The following REXO2 variants were observed in gnomAD, a reference collection of about 807,000 sequenced individuals.
The protein encoded by REXO2 is oligoribonuclease, mitochondrial.
Under a neutral mutation model 30.9 loss-of-function variants are expected in REXO2, and 17 were observed. That is an observed-to-expected ratio of 0.55 (90% CI 0.38 to 0.82). REXO2 has a LOEUF of 0.82. REXO2 is among the 40% of genes least tolerant of loss of function. REXO2 has a pLI of 0.00. For missense variants in REXO2, 253 were observed against 293.2 expected (o/e 0.86, Z 1.00); for synonymous variants, 105 against 99.6 (o/e 1.05, Z -0.32).
rs909110602 is a variant in REXO2, at chr11:114,441,892, T to C, written c.231+1153T>C. 10 of 614,124 alleles carry C rather than the reference T, an allele frequency of 1.6e-5. No individual in the cohort carries two copies. The African/African-American group carries it at 1.8e-4, about 11-fold the overall frequency. 38.0% of individuals were successfully genotyped at this position (614,124 alleles called of 1,614,324 possible). On this transcript the variant is annotated intron_variant, in intron 2 of 6. Coordinates refer to ENST00000265881, the MANE Select transcript of REXO2 (RefSeq NM_015523.4). ...TTTTAACTTTGTATAAATAAAGCCC[T>C]GAGTTTTAGATTTGGTTGTTTTTTT...
chr11:114,440,803 T>C, intron 2 of REXO2, 64 bp downstream of exon 2: 2 of 1,244,490 alleles, frequency 1.6e-6, no homozygotes, highest in Non-Finnish European at 2.3e-6. Context: ...ACCATCATTT[T>C]TTCCAGCTTC....
In REXO2 at chr11:114,447,883, A is replaced by G. The variant is rs1269868699; in HGVS notation, c.584+4A>G. 1.2e-6 allele frequency: 2 copies of G among 1,613,204 alleles called. No homozygotes were observed. Among genetic ancestry groups the G allele is most frequent in the South Asian group, 2.2e-5 (2 of 90,996 alleles). On this transcript the variant is annotated splice_donor_region_variant and intron_variant, in intron 6 of 6. Transcript: ENST00000265881. ...CAAAGAAGGCTGCTTCTCATAGGTA[A>G]GTTTGAGTTCTACCAAGCGTTTTCC...
chr11:114,444,626 C>G lies in REXO2; in HGVS notation c.395C>G (p.Thr132Ser), dbSNP rs1307402436. 2 of 1,605,924 alleles carry G rather than the reference C, an allele frequency of 1.2e-6. No homozygotes were observed. The highest frequency in any genetic ancestry group is 1.7e-6 in the Non-Finnish European group (2 of 1,176,920). Reference protein sequence around the residue: ...YEFLSFVRQQTPPGLCPLAGN... With the variant: ...YEFLSFVRQQSPPGLCPLAGN... ...TTTCTGTCCTTTGTACGACAGCAGA[C>G]TCCTCCAGGGCTCTGTCCACTTGCA... is the stretch of plus-strand genomic sequence containing the variant. The change falls in exon 4 of 7, where the codon ACT becomes AGT. Residue 132 changes from threonine (T) to serine (S), a missense_variant. Thr to Ser is a moderately conservative substitution (Grantham distance 58). Coordinates refer to ENST00000265881, the MANE Select transcript of REXO2 (RefSeq NM_015523.4).
At chr11:114,449,744 A>T (rs1946533595) in intron 6 of REXO2, 102 bp from the exon 7 acceptor site, 2 of 1,125,770 alleles carry the variant, frequency 1.8e-6, no homozygotes, top group South Asian at 1.5e-5. Context: ...ACTTACAGTA[A>T]CATCCATTGT....
chr11:114,444,371 AG>A, intron 3 of REXO2, 169 bp from the exon 4 acceptor site: 1 of 649,376 alleles, frequency 1.5e-6, no homozygotes. Context: ...GGATTCTTGA[AG>A]AAAAAAAAAT....
chr11:114,440,692 G>C lies in REXO2; in HGVS notation c.184G>C (p.Glu62Gln). ...GGACATTGAGAAGGACCAGATTATT[G>C]AGATGGCCTGTCTGATAACTGACTC... ...GLDIEKDQII[E>Q]MACLITDSDL... is the part of the protein sequence containing the mutation. The change falls in exon 2 of 7, where the codon GAG becomes CAG. Residue 62 changes from glutamate to glutamine, a missense_variant. Glu to Gln is a conservative substitution (Grantham distance 29). Transcript: ENST00000265881. 2 of 1,613,898 alleles carry C rather than the reference G, an allele frequency of 1.2e-6. No individual in the cohort carries two copies. The highest frequency in any genetic ancestry group is 1.1e-5 in the South Asian group (1 of 91,068).
intron 5 of REXO2, among the ~76,000 whole-genome samples, chr11:114,446,643 C>A (rs1178983586): frequency 6.6e-6 from 1 of 152,110 alleles, no homozygotes. Flanking sequence ...GAGGAGAGAG[C>A]ATTCAGAGAG....
chr11:114,441,581 C>T (rs1393958705), intron 2 of REXO2, among the ~76,000 whole-genome samples: 1 of 152,128 alleles, frequency 6.6e-6, no homozygotes, highest in East Asian at 1.9e-4. Flanking sequence ...ATACTGTCAG[C>T]AGTATTCAGA....
At chr11:114,445,111 A>G (rs1946503671) in intron 4 of REXO2, 1 of 152,342 alleles carries the variant, frequency 6.6e-6, no homozygotes, top group Admixed American at 6.5e-5. Context: ...ATTAAACATT[A>G]TTCAGTATCA....
At chr11:114,446,990 G>A (rs1298615926) in intron 5 of REXO2, among the ~76,000 whole-genome samples, 1 of 149,200 alleles carries the variant, frequency 6.7e-6, no homozygotes, top group Non-Finnish European at 1.5e-5. Flanking sequence ...CCAGGCGGGA[G>A]TGCTGTGGCG....
Position 114,439,496 on chromosome 11 carries a change from C to T in REXO2, c.-33C>T, listed in dbSNP as rs773898866. The T allele has an allele frequency of 5.6e-6, 9 of 1,597,670 alleles. No individual in the cohort carries two copies. The Middle Eastern group carries it at 8.9e-4, about 157-fold the overall frequency. ...ATTGCGCCTGCGCCAGCGCCGGCTG[C>T]GAGACTGGGGCCGTGGCTGCTGGTC... On this transcript the variant is annotated 5_prime_UTR_variant, in exon 1 of 7. Coordinates refer to ENST00000265881, the MANE Select transcript of REXO2 (RefSeq NM_015523.4).
intron 1 of REXO2, among the ~76,000 whole-genome samples, chr11:114,440,300 G>A (rs1488575909): frequency 2.0e-5 from 3 of 152,156 alleles, no homozygotes; most frequent in Non-Finnish European, 4.4e-5. Context: ...GATTGTGAAG[G>A]TCCAGTGGTG....
intron 1 of REXO2, chr11:114,439,988 G>T: frequency 2.0e-6 from 1 of 503,828 alleles, no homozygotes; most frequent in Non-Finnish European, 3.6e-6. Context: ...ACTGGAGTGG[G>T]GGCGGGGGCA....
Position 114,447,003 on chromosome 11 carries a change from A to G in REXO2, c.531-823A>G, listed in dbSNP as rs1175446665. Among the ~76,000 whole-genome samples the G allele has an allele frequency of 2.2e-5, 3 of 133,638 alleles. 1 individual carries two copies. Among genetic ancestry groups the G allele is most frequent in the Admixed American group, 1.8e-4 (2 of 10,912 alleles). 87.7% of individuals were successfully genotyped at this position (133,638 alleles called of 152,430 possible). ...GCCCAGGCGGGAGTGCTGTGGCGCG[A>G]TCTCCGCTCACTGCAAGCTCCGCCT... On this transcript the variant is annotated intron_variant, in intron 5 of 6. Coordinates refer to ENST00000265881, the MANE Select transcript of REXO2 (RefSeq NM_015523.4).
rs1437329896 is a variant in REXO2, at chr11:114,439,797, G to A, written c.147+122G>A. 23 of 1,244,956 alleles carry A rather than the reference G, an allele frequency of 1.8e-5. No individual in the cohort carries two copies. In the East Asian group the frequency reaches 4.3e-4, roughly 23 times the overall value. The allele number at this position is 1,244,956 out of a possible 1,614,324, so 77.1% of individuals were successfully genotyped here. On this transcript the variant is annotated intron_variant, in intron 1 of 6. Transcript: ENST00000265881. ...GTCTCAGGTGTGGCAGGTGAGCGCG[G>A]CCGGCCACGGGCGGTGCAGGGCAAG...
At position 114,443,889 on chromosome 11, in the gene REXO2, T is replaced by C. The variant is rs1248752551; in HGVS notation, c.265T>C (p.Leu89=). The part of the protein sequence containing the change: ...PNLIIKQPDE[L]LDSMSDWCKE... Reference sequence around the variant, plus strand: ...CCTGATTATAAAACAACCAGATGAGTTGCTGGACAGCATGTCAGATTGGTG... The same window carrying C: ...CCTGATTATAAAACAACCAGATGAGCTGCTGGACAGCATGTCAGATTGGTG... Residue 89 remains leucine, a synonymous_variant, in exon 3 of 7, where the codon TTG becomes CTG. Transcript: ENST00000265881. 2 of 1,609,562 alleles carry C rather than the reference T, an allele frequency of 1.2e-6. No homozygotes were observed. Among genetic ancestry groups the C allele is most frequent in the African/African-American group, 2.7e-5 (2 of 74,872 alleles).
chr11:114,439,817 G>T, intron 1 of REXO2, 142 bp downstream of exon 1: 1 of 1,017,168 alleles, frequency 9.8e-7, no homozygotes, highest in South Asian at 1.7e-5. Flanking sequence ...GGCGGTGCAG[G>T]GCAAGTCCGG....
At chr11:114,440,781 A>G (rs1406560863) in intron 2 of REXO2, 42 bp downstream of exon 2, 1 of 1,381,072 alleles carries the variant, frequency 7.2e-7, no homozygotes, top group African/African-American at 1.4e-5. Flanking sequence ...TTTAAAGGGC[A>G]CTGGAAATAT....
At chr11:114,439,992 G>A (rs1477825290) in intron 1 of REXO2, 4 of 496,234 alleles carry the variant, frequency 8.1e-6, no homozygotes, top group Non-Finnish European at 1.1e-5. Context: ...GAGTGGGGGC[G>A]GGGGCAGCGG....
Sources: gnomAD v4.1 joint callset for allele counts (sites outside exome capture counted in the v4.1 genomes callset) on GRCh38, gnomAD v4.1.1 for gene constraint, MANE v1.5 for transcripts, NCBI Gene and HGNC (gene_info 2026-07-23, HGNC 2026-07-21) for gene names.